RBMS3: variants seen among roughly 807,000 people sequenced by gnomAD.
The protein encoded by RBMS3 is RNA binding motif single stranded interacting protein 3, also known as RNA-binding motif, single-stranded-interacting protein 3.
Under a neutral mutation model 66.8 loss-of-function variants are expected in RBMS3, and 27 were observed. The observed-to-expected ratio is 0.40, with a 90% CI of 0.30 to 0.56. The LOEUF (loss-of-function observed/expected upper bound fraction) is 0.56, where lower values mean the gene tolerates loss of function less well. Among genes scored for constraint, RBMS3 ranks in the 20% least tolerant of loss-of-function variants. The probability of loss-of-function intolerance (pLI) is 0.40; values close to 1 mark genes in which losing one functional copy is unlikely to be tolerated. For missense variants in RBMS3, 513 were observed against 549.5 expected, an observed-to-expected ratio of 0.93 and a Z score of 0.66; for synonymous variants, 188 against 183.0, an observed-to-expected ratio of 1.03 and a Z score of -0.22.
In RBMS3 at chr3:29,884,074, G is replaced by T. The variant is rs1441434717; in HGVS notation, c.745-88G>T. 18 of 1,127,066 alleles carry T rather than the reference G, an allele frequency of 1.6e-5. No individual in the cohort carries two copies. In the Admixed American group the frequency reaches 3.1e-4, roughly 20 times the overall value. The allele number at this position is 1,127,066 out of a possible 1,614,324, so 69.8% of individuals were successfully genotyped here. A position where few individuals can be genotyped will look rare whatever the true frequency, so the allele number is the denominator to read the frequency against. On this transcript the variant is annotated intron_variant, in intron 7 of 14. Coordinates refer to ENST00000383767, the MANE Select transcript of RBMS3 (RefSeq NM_001003793.3). ...ATAAACTTAGATCATGGAAAGTAAT[G>T]ATAAGAGTCTTTGTGTGTACTAAAT...
At chr3:29,507,192 A>T (rs757933525) in intron 3 of RBMS3, among the ~76,000 whole-genome samples, 10 of 149,774 alleles carry the variant, frequency 6.7e-5, no homozygotes, top group Non-Finnish European at 1.3e-4. Context: ...AGCTGTATTT[A>T]AAAAAAAATG....
At chr3:29,632,287 A>G (rs2049312546) in intron 4 of RBMS3, among the ~76,000 whole-genome samples, 1 of 150,506 alleles carries the variant, frequency 6.6e-6, no homozygotes. Flanking sequence ...TTTGATTTTT[A>G]TGTAGTTATC....
intron 6 of RBMS3, among the ~76,000 whole-genome samples, chr3:29,764,977 A>G (rs933748528): frequency 6.6e-6 from 1 of 152,028 alleles, no homozygotes; most frequent in African/African-American, 2.4e-5. Flanking sequence ...TGCTTCTGAG[A>G]TTTCCACTCA....
intron 1 of RBMS3, among the ~76,000 whole-genome samples, chr3:29,353,359 T>G (rs1217553808): frequency 1.3e-5 from 2 of 152,040 alleles, no homozygotes; most frequent in African/African-American, 4.8e-5. Flanking sequence ...ATTTTTATTA[T>G]CAGGAGTTTT....
At chr3:29,309,949 G>T (rs1161453371) in intron 1 of RBMS3, among the ~76,000 whole-genome samples, 1 of 151,686 alleles carries the variant, frequency 6.6e-6, no homozygotes, top group Non-Finnish European at 1.5e-5. Context: ...AGCTACTAAT[G>T]TGGGATAACA....
intron 12 of RBMS3, among the ~76,000 whole-genome samples, chr3:29,964,501 T>C (rs1696696419): frequency 6.6e-6 from 1 of 152,160 alleles, no homozygotes; most frequent in Non-Finnish European, 1.5e-5. Context: ...ATTCACCATT[T>C]TATATTCTCT....
chr3:29,338,316 A>G (rs1162632581), intron 1 of RBMS3, among the ~76,000 whole-genome samples: 1 of 152,224 alleles, frequency 6.6e-6, no homozygotes, highest in Non-Finnish European at 1.5e-5. Flanking sequence ...AAAAGCAAAT[A>G]AAATGTGTCA....
At chr3:29,853,427 T>C (rs985057306) in intron 6 of RBMS3, among the ~76,000 whole-genome samples, 5 of 131,310 alleles carry the variant, frequency 3.8e-5, no homozygotes, top group South Asian at 2.4e-4. Context: ...TACTTTCTTT[T>C]TTTTTTTTTT....
intron 10 of RBMS3, among the ~76,000 whole-genome samples, chr3:29,918,144 C>G: frequency 6.6e-6 from 1 of 152,018 alleles, no homozygotes; most frequent in Admixed American, 6.6e-5. Flanking sequence ...TTCATTATAT[C>G]TGGCTTGATT....
At chr3:29,361,667 C>A (rs1015519190) in intron 1 of RBMS3, among the ~76,000 whole-genome samples, 1 of 152,170 alleles carries the variant, frequency 6.6e-6, no homozygotes, top group Non-Finnish European at 1.5e-5. Context: ...CCATTCTCCC[C>A]GTCACTTTCA....
At chr3:29,728,669 A>C (rs1406564318) in intron 4 of RBMS3, among the ~76,000 whole-genome samples, 1 of 152,186 alleles carries the variant, frequency 6.6e-6, no homozygotes, top group Admixed American at 6.5e-5. Flanking sequence ...TAAGGATCAC[A>C]GTTTACCAAA....
chr3:29,998,273 A>AAGAGGAT (rs1297992590), intron 14 of RBMS3, among the ~76,000 whole-genome samples: 2 of 152,212 alleles, frequency 1.3e-5, no homozygotes, highest in Non-Finnish European at 2.9e-5. Flanking sequence ...AGAGGATACA[A>AAGAGGAT]ACAAATGGAA....
intron 10 of RBMS3, among the ~76,000 whole-genome samples, chr3:29,905,391 T>C (rs1266385554): frequency 6.6e-6 from 1 of 152,072 alleles, no homozygotes; most frequent in Non-Finnish European, 1.5e-5. Flanking sequence ...CTTTGAAGTT[T>C]ATTTTATAGC....
At chr3:29,660,448 G>T (rs1451588154) in intron 4 of RBMS3, among the ~76,000 whole-genome samples, 1 of 152,130 alleles carries the variant, frequency 6.6e-6, no homozygotes, top group East Asian at 1.9e-4. Flanking sequence ...CTTATAGACA[G>T]CAGATAGTTG....
At chr3:29,356,341 A>G (rs78321764) in intron 1 of RBMS3, among the ~76,000 whole-genome samples, 16,750 of 152,140 alleles carry the variant, frequency 0.11, 1,077 homozygotes, top group East Asian at 0.22. Flanking sequence ...CTTTTGTTCT[A>G]TGTTTTGTTG....
chr3:29,541,241 C>A (rs144927720), intron 3 of RBMS3, among the ~76,000 whole-genome samples: 173 of 152,244 alleles, frequency 1.1e-3, no homozygotes, highest in Admixed American at 2.2e-3. Flanking sequence ...AGAAATGCAG[C>A]CACACATGCC....
intron 2 of RBMS3, among the ~76,000 whole-genome samples, chr3:29,441,578 G>A (rs77222387): frequency 0.02 from 3,001 of 152,198 alleles, 45 homozygotes; most frequent in Admixed American, 0.044. Context: ...CTTCAAAGCC[G>A]ATATTCGTAA....
intron 5 of RBMS3, among the ~76,000 whole-genome samples, chr3:29,751,778 C>T (rs765878833): frequency 2.0e-4 from 31 of 152,286 alleles, no homozygotes; most frequent in Non-Finnish European, 2.9e-4. Flanking sequence ...AGGGGCGGCT[C>T]GGTTAGGCAG....
chr3:29,551,535 A>C (rs899332681), intron 3 of RBMS3, among the ~76,000 whole-genome samples: 1 of 152,224 alleles, frequency 6.6e-6, no homozygotes, highest in African/African-American at 2.4e-5. Context: ...ATAGGGATAA[A>C]GAAAATAATC....
Sources: gnomAD v4.1 joint callset for allele counts (sites outside exome capture counted in the v4.1 genomes callset) on GRCh38, gnomAD v4.1.1 for gene constraint, MANE v1.5 for transcripts, NCBI Gene and HGNC (gene_info 2026-07-23, HGNC 2026-07-21) for gene names.